The following ADI1 variants were observed in gnomAD, a reference collection of about 807,000 sequenced individuals.
ADI1 encodes acireductone dioxygenase 1, also known as acireductone dioxygenase.
ADI1 carries 21 observed loss-of-function variants against 18.7 expected under a neutral mutation model. The observed-to-expected ratio is 1.13, with a 90% confidence interval of 0.80 to 1.62. ADI1 has a LOEUF of 1.62. Ranked by LOEUF, ADI1 falls within the 40% of genes most tolerant of loss-of-function variation. ADI1 has a pLI of 0.00. For missense variants in ADI1, 245 were observed against 254.9 expected (o/e 0.96, Z 0.26); for synonymous variants, 90 against 100.1 (o/e 0.90, Z 0.60).
chr2:3,516,100 C>T (rs1667402895), intron 1 of ADI1: 1 of 956,408 alleles, frequency 1.0e-6, no homozygotes. Context: ...TGAAACTTAA[C>T]ACAAATGTGA....
At position 3,519,501 on chromosome 2, in the gene ADI1, G is replaced by C. The variant is rs13398093; in HGVS notation, c.-14C>G. 2.3e-3 allele frequency: 2,870 copies of C among 1,274,370 alleles called. 55 individuals are homozygous for C. In the African/African-American group the frequency reaches 0.04, roughly 18 times the overall value. 78.9% of individuals were successfully genotyped at this position (1,274,370 alleles called of 1,614,324 possible). ...GGCCTGCACCATGACGCGCAGTGCG[G>C]GTGCCGTGTTCGAACCCAGGGGCCG... On this transcript the variant is annotated 5_prime_UTR_variant, in exon 1 of 4. Coordinates refer to ENST00000327435, the MANE Select transcript of ADI1 (RefSeq NM_018269.4).
chr2:3,519,521 GGGCCGCGCTCGGAGCCCGTC>G (rs1156645769), exon 1 of ADI1: 6 of 1,256,570 alleles, frequency 4.8e-6, no homozygotes, highest in South Asian at 3.2e-5. Context: ...TCGAACCCAG[GGGCCGCGCTCGGAGCCCGTC>G]GGCCGCGCTT....
intron 1 of ADI1, chr2:3,515,922 A>C: frequency 6.1e-6 from 6 of 985,440 alleles, no homozygotes; most frequent in Non-Finnish European, 7.2e-6. Flanking sequence ...TTAAAGTACT[A>C]GTCATCAATA....
At chr2:3,519,175 A>C (rs1667500806) in intron 1 of ADI1, 193 bp downstream of exon 1, 1 of 784,656 alleles carries the variant, frequency 1.3e-6, no homozygotes, top group African/African-American at 1.8e-5. Flanking sequence ...CTGACCACCC[A>C]GCCCCACTGC....
At chr2:3,499,781 C>T (rs1666951205) in intron 3 of ADI1, among the ~76,000 whole-genome samples, 2 of 152,124 alleles carry the variant, frequency 1.3e-5, no homozygotes, top group African/African-American at 4.8e-5. Context: ...TGAAACAGTC[C>T]CCAGTGAACA....
intron 3 of ADI1, chr2:3,500,503 G>C: frequency 1.0e-5 from 3 of 288,086 alleles, no homozygotes; most frequent in South Asian, 7.0e-5. Flanking sequence ...GCTGGGGCAG[G>C]GCCAGGCTCG....
intron 1 of ADI1, chr2:3,517,010 C>A: frequency 1.1e-6 from 1 of 887,438 alleles, no homozygotes; most frequent in South Asian, 5.1e-5. Context: ...ACAGAAGCCA[C>A]CATGCCTGGC....
chr2:3,499,745 A>T (rs1301700086), intron 3 of ADI1, among the ~76,000 whole-genome samples: 1 of 152,192 alleles, frequency 6.6e-6, no homozygotes, highest in African/African-American at 2.4e-5. Flanking sequence ...AGCTGTAATC[A>T]GGGCTGAGGC....
intron 2 of ADI1, among the ~76,000 whole-genome samples, chr2:3,503,313 G>T (rs1220616545): frequency 7.5e-6 from 1 of 133,472 alleles, no homozygotes; most frequent in Admixed American, 7.4e-5. Flanking sequence ...ACACTGACAC[G>T]CACATTCACA....
chr2:3,499,099 C>A lies in ADI1; in HGVS notation c.421-17G>T. ...CGTGTAGTTCTGGAAAACAGACAAA[C>A]ACACCCAGCATCTCATTAAACCAGC... On this transcript the variant is annotated splice_polypyrimidine_tract_variant and intron_variant, in intron 3 of 3. Transcript: ENST00000327435. 6.2e-7 allele frequency: 1 copy of A among 1,610,750 alleles called. No individual in the cohort carries two copies. The highest frequency in any genetic ancestry group is 2.2e-5 in the East Asian group (1 of 44,774).
At position 3,498,583 on chromosome 2, in the gene ADI1, T is replaced by TTCTA. The variant is rs1666916911; in HGVS notation, c.*376_*379dup. ...GCATCATTTTGGAGAAAAAAGTGTCTTCTATCTGGCTAGCTGTGTTATCTA... is the reference window on the plus strand; with the variant it reads ...GCATCATTTTGGAGAAAAAAGTGTCTTCTATCTATCTGGCTAGCTGTGTTATCTA... On this transcript the variant is annotated 3_prime_UTR_variant, in exon 4 of 4. Coordinates refer to ENST00000327435, the MANE Select transcript of ADI1 (RefSeq NM_018269.4). 6.0e-6 allele frequency: 1 copy of TTCTA among 167,742 alleles called. No individual in the cohort carries two copies. The highest frequency in any genetic ancestry group is 2.0e-4 in the South Asian group (1 of 5,050). The allele number at this position is 167,742 out of a possible 1,614,324, so 10.4% of individuals were successfully genotyped here.
Position 3,498,862 on chromosome 2 carries a change from C to G in ADI1, c.*101G>C. ...TTACAAAGGAAAGATAATCTAGCCT[C>G]AAGGCTATCCTCTAAAAGCAAAGAG... On this transcript the variant is annotated 3_prime_UTR_variant, in exon 4 of 4. Coordinates refer to ENST00000327435, the MANE Select transcript of ADI1 (RefSeq NM_018269.4). 6.8e-7 allele frequency: 1 copy of G among 1,473,858 alleles called. No individual in the cohort carries two copies. Among genetic ancestry groups the G allele is most frequent in the Non-Finnish European group, 9.1e-7 (1 of 1,095,658 alleles). 91.3% of individuals were successfully genotyped at this position (1,473,858 alleles called of 1,614,324 possible). A position where few individuals can be genotyped will look rare whatever the true frequency, so the allele number is the denominator to read the frequency against.
chr2:3,507,004 C>G (rs1447383328), intron 2 of ADI1, among the ~76,000 whole-genome samples: 2 of 152,190 alleles, frequency 1.3e-5, no homozygotes, highest in Non-Finnish European at 2.9e-5. Flanking sequence ...TGCATGTTGT[C>G]TACTTTTTCC....
At chr2:3,503,896 G>A (rs939149232) in intron 2 of ADI1, among the ~76,000 whole-genome samples, 2 of 152,148 alleles carry the variant, frequency 1.3e-5, no homozygotes, top group African/African-American at 4.8e-5. Context: ...AGTGGATGCC[G>A]AGTGAACAGA....
chr2:3,519,027 C>A (rs1054725892), intron 1 of ADI1, among the ~76,000 whole-genome samples: 2 of 151,694 alleles, frequency 1.3e-5, no homozygotes, highest in South Asian at 2.1e-4. Flanking sequence ...CCACCCCAGG[C>A]GCCGGAAGCC....
chr2:3,508,455 T>A (rs906987550), intron 2 of ADI1, among the ~76,000 whole-genome samples: 2 of 149,590 alleles, frequency 1.3e-5, no homozygotes, highest in African/African-American at 4.9e-5. Flanking sequence ...ACATGAATGA[T>A]CTAAATATAC....
intron 2 of ADI1, among the ~76,000 whole-genome samples, chr2:3,508,334 C>CAAAAAAAAAAAAAAAAAAAAAAAA (rs33977448): frequency 3.7e-4 from 10 of 26,924 alleles, no homozygotes; most frequent in Non-Finnish European, 7.9e-4. Context: ...GACTCTGTCT[C>CAAAAAAAAAAAAAAAAAAAAAAAA]AAAAAAAAAA....
chr2:3,510,562 G>A (rs1445490264), intron 2 of ADI1, among the ~76,000 whole-genome samples: 1 of 151,962 alleles, frequency 6.6e-6, no homozygotes, highest in Non-Finnish European at 1.5e-5. Context: ...CTCAGGAAAG[G>A]GAGAAAAAAC....
chr2:3,500,784 G>T, intron 3 of ADI1, 30 bp downstream of exon 3: 1 of 1,612,810 alleles, frequency 6.2e-7, no homozygotes, highest in African/African-American at 1.3e-5. Context: ...CACACAGGCC[G>T]GGCCTGGGGA....
Sources: allele counts gnomAD v4.1 joint callset (sites outside exome capture counted in the v4.1 genomes callset), GRCh38; gene constraint gnomAD v4.1.1; transcripts MANE v1.5; gene names NCBI Gene and HGNC (gene_info 2026-07-23, HGNC 2026-07-21).